Variants in RMDN3 observed in about 807,000 individuals in gnomAD.
RMDN3 encodes regulator of microtubule dynamics protein 3.
Under a neutral mutation model 61.8 loss-of-function variants are expected in RMDN3, and 41 were observed. The observed-to-expected ratio is 0.66, with a 90% CI of 0.52 to 0.86. RMDN3 has a LOEUF of 0.86. RMDN3 is among the 40% of genes least tolerant of loss of function. RMDN3 has a pLI of 0.00. For synonymous variants in RMDN3, 247 were observed against 232.0 expected (o/e 1.06, Z -0.59); for missense variants, 557 against 585.3 (o/e 0.95, Z 0.50).
At chr15:40,744,819 A>G (rs1027278190) in intron 5 of RMDN3, among the ~76,000 whole-genome samples, 158 bp downstream of exon 5, 2 of 151,968 alleles carry the variant, frequency 1.3e-5, no homozygotes, top group African/African-American at 4.8e-5. Flanking sequence ...AGGATATGTG[A>G]CCTGGGGGAC....
At chr15:40,746,424 A>G (rs998787615) in intron 4 of RMDN3, among the ~76,000 whole-genome samples, 4 of 151,774 alleles carry the variant, frequency 2.6e-5, no homozygotes, top group East Asian at 1.9e-4. Flanking sequence ...GCTGAGGCAG[A>G]AGAATGGGCG....
At chr15:40,754,212 C>T (rs1459957650) in intron 2 of RMDN3, among the ~76,000 whole-genome samples, 3 of 150,516 alleles carry the variant, frequency 2.0e-5, no homozygotes, top group Non-Finnish European at 4.4e-5. Context: ...CTCACTGCGG[C>T]CTCCGCCTAC....
rs368872208 is a variant in RMDN3, at chr15:40,744,502, G to C, written c.808-353C>G. Among the ~76,000 whole-genome samples, 137 of 150,118 alleles carry C rather than the reference G, an allele frequency of 9.1e-4. 1 individual carries two copies. Among genetic ancestry groups the C allele is most frequent in the South Asian group, 8.6e-3 (41 of 4,760 alleles). ...GGAAAAGGGAAACTTCTAACTTCTGGGGGGGGGGCATTTATACCTGGGTGG... is the reference window on the plus strand; with the variant it reads ...GGAAAAGGGAAACTTCTAACTTCTGCGGGGGGGGCATTTATACCTGGGTGG... On this transcript the variant is annotated intron_variant, in intron 5 of 12. Transcript: ENST00000338376.
At chr15:40,737,531 G>A (rs529069955) in intron 10 of RMDN3, 97 bp downstream of exon 10, 70 of 1,241,146 alleles carry the variant, frequency 5.6e-5, no homozygotes, top group African/African-American at 3.5e-4. Context: ...AATTGCCCCC[G>A]ACTAGGAAAA....
chr15:40,746,259 T>C (rs1178027197), intron 4 of RMDN3, among the ~76,000 whole-genome samples: 1 of 152,164 alleles, frequency 6.6e-6, no homozygotes, highest in Admixed American at 6.5e-5. Context: ...CTCACGCCTG[T>C]AATCCCAGCA....
At chr15:40,740,948 G>A (rs1269095175) in intron 6 of RMDN3, among the ~76,000 whole-genome samples, 1 of 151,932 alleles carries the variant, frequency 6.6e-6, no homozygotes, top group African/African-American at 2.4e-5. Flanking sequence ...AGCCAGGCAT[G>A]TTGGCACATC....
chr15:40,753,533 A>C (rs1374090722), intron 2 of RMDN3, among the ~76,000 whole-genome samples: 1 of 149,230 alleles, frequency 6.7e-6, no homozygotes, highest in Non-Finnish European at 1.5e-5. Flanking sequence ...AAAGAAAAGA[A>C]AAAAGAAAAG....
At chr15:40,750,335 TC>T (rs1897767801) in intron 4 of RMDN3, among the ~76,000 whole-genome samples, 1 of 149,772 alleles carries the variant, frequency 6.7e-6, no homozygotes, top group South Asian at 2.2e-4. Context: ...TTCTCCTGCC[TC>T]AGCCTCCCGA....
At chr15:40,745,412 C>CTTTTTTTT (rs376519039) in intron 4 of RMDN3, among the ~76,000 whole-genome samples, 153 bp from the exon 5 acceptor site, 3 of 130,314 alleles carry the variant, frequency 2.3e-5, no homozygotes, top group Non-Finnish European at 3.2e-5. Context: ...GACTTTTTTT[C>CTTTTTTTT]TTTTTTTTTT....
At chr15:40,748,609 T>C (rs1412467631) in intron 4 of RMDN3, among the ~76,000 whole-genome samples, 1 of 152,216 alleles carries the variant, frequency 6.6e-6, no homozygotes, top group Non-Finnish European at 1.5e-5. Flanking sequence ...TGTACTTCTT[T>C]ATTTTTTTGG....
rs1232759674 is a variant in RMDN3, at chr15:40,736,060, T to C, written c.*481A>G. 1 of 153,166 alleles carries C rather than the reference T, an allele frequency of 6.5e-6. No individual in the cohort carries two copies. The highest frequency in any genetic ancestry group is 1.9e-4 in the East Asian group (1 of 5,224). 9.5% of individuals were successfully genotyped at this position (153,166 alleles called of 1,614,324 possible). On this transcript the variant is annotated 3_prime_UTR_variant, in exon 13 of 13. Transcript: ENST00000338376. ...AGGAATACAGGTAGAATTCACATGA[T>C]AGGTGATAAGAAAGCAATGTCTGTG...
Position 40,751,486 on chromosome 15 carries a change from C to A in RMDN3, c.464G>T (p.Ser155Ile), listed in dbSNP as rs1897818652. ...CGAGGAGGCCGTGAAGTAGACAGAG[C>A]TGGAGCCAGTGGAGTCACTCCTCTC... ...VRERSDSTGS[S>I]SVYFTASSGA... Residue 155 changes from serine to isoleucine, a missense_variant, in exon 4 of 13, where the codon AGC (serine) becomes ATC (isoleucine). Ser to Ile is a moderately radical substitution (Grantham distance 142). Transcript: ENST00000338376. 6.2e-7 allele frequency: 1 copy of A among 1,614,214 alleles called. No individual in the cohort carries two copies. Among genetic ancestry groups the A allele is most frequent in the Non-Finnish European group, 8.5e-7 (1 of 1,180,038 alleles).
At chr15:40,737,783 A>C in intron 9 of RMDN3, 57 bp from the exon 10 acceptor site, 1 of 1,561,412 alleles carries the variant, frequency 6.4e-7, no homozygotes, top group Non-Finnish European at 8.8e-7. Context: ...TTTTTCTTTA[A>C]ATCTTTGGGG....
intron 2 of RMDN3, among the ~76,000 whole-genome samples, 169 bp downstream of exon 2, chr15:40,754,428 G>A (rs1314515387): frequency 6.6e-6 from 1 of 152,172 alleles, no homozygotes; most frequent in African/African-American, 2.4e-5. Context: ...GATTACAGGC[G>A]TGAGCCACCG....
chr15:40,737,095 G>T, intron 12 of RMDN3, 29 bp downstream of exon 12: 1 of 1,577,920 alleles, frequency 6.3e-7, no homozygotes, highest in Non-Finnish European at 8.7e-7. Context: ...CAGGTGATCT[G>T]CCCAACAGGC....
At position 40,744,119 on chromosome 15, in the gene RMDN3, G is replaced by C; in HGVS notation, c.838C>G (p.Leu280Val). ...YGSRQDFLWR[L>V]ARAYSDMCEL... is the part of the protein sequence containing the mutation. ...CACATGTCACTGTAGGCTCGGGCCA[G>C]GCGCCAGAGAAAGTCCTGCCGGCTT... The change falls in exon 6 of 13, where the codon CTG becomes GTG. Residue 280 changes from leucine (L) to valine (V), a missense_variant. Leu to Val is a conservative substitution (Grantham distance 32). Coordinates refer to ENST00000338376, the MANE Select transcript of RMDN3 (RefSeq NM_018145.3). 2 of 1,613,600 alleles carry C rather than the reference G, an allele frequency of 1.2e-6. No homozygotes were observed. The highest frequency in any genetic ancestry group is 1.7e-6 in the Non-Finnish European group (2 of 1,180,040).
At chr15:40,736,634 A>G in intron 12 of RMDN3, 40 bp from the exon 13 acceptor site, 1 of 1,592,960 alleles carries the variant, frequency 6.3e-7, no homozygotes, top group Non-Finnish European at 8.6e-7. Flanking sequence ...CAAAATTTAA[A>G]CCAGCATTTT....
rs1897089790 is a variant in RMDN3 at position 40,737,205 on chromosome 15, C to G, written c.1279-1G>C. The G allele has an allele frequency of 3.1e-6, 5 of 1,613,926 alleles. No homozygotes were observed. The highest frequency in any genetic ancestry group is 4.2e-6 in the Non-Finnish European group (5 of 1,179,928). ...AGTTTTTCCCTAGTTCTCTGTAGCACTGAAAAGAGACAACAGTGAAACCTG... is the reference window on the plus strand; with the variant it reads ...AGTTTTTCCCTAGTTCTCTGTAGCAGTGAAAAGAGACAACAGTGAAACCTG... On this transcript the variant is annotated splice_acceptor_variant, in intron 11 of 12. Transcript: ENST00000338376. LOFTEE classifies it high-confidence loss of function.
chr15:40,741,733 A>C (rs543986372), intron 6 of RMDN3, among the ~76,000 whole-genome samples: 1 of 144,924 alleles, frequency 6.9e-6, no homozygotes, highest in African/African-American at 2.6e-5. Context: ...GGTTCAAGTG[A>C]TTCTCCTGCG....
Sources: allele counts gnomAD v4.1 joint callset (sites outside exome capture counted in the v4.1 genomes callset), GRCh38; gene constraint gnomAD v4.1.1; transcripts MANE v1.5; gene names NCBI Gene and HGNC (gene_info 2026-07-23, HGNC 2026-07-21).